Variants in DLST observed in about 807,000 individuals in gnomAD.
DLST encodes the protein dihydrolipoyllysine-residue succinyltransferase component of 2-oxoglutarate dehydrogenase complex, mitochondrial.
In DLST, 17 loss-of-function variants were observed where a neutral mutation model predicts 53.1. The observed-to-expected ratio is 0.32, with a 90% CI of 0.22 to 0.48. The LOEUF is 0.48. Among genes scored for constraint, DLST ranks in the 20% least tolerant of loss-of-function variants. DLST has a pLI of 0.99. For synonymous variants in DLST, 206 were observed against 204.8 expected, an observed-to-expected ratio of 1.01 and a Z score of -0.05; for missense variants, 512 against 583.9, an observed-to-expected ratio of 0.88 and a Z score of 1.27.
At chr14:74,889,638 G>A (rs1883831629) in intron 5 of DLST, 1 of 548,684 alleles carries the variant, frequency 1.8e-6, no homozygotes. Flanking sequence ...GCCACAAAGT[G>A]TTGGGATTAC....
intron 8 of DLST, 47 bp downstream of exon 8, chr14:74,893,033 A>C: frequency 6.3e-7 from 1 of 1,575,748 alleles, no homozygotes; most frequent in Admixed American, 1.8e-5. Context: ...ATCTCGTCTA[A>C]TATGTTCCTT....
chr14:74,891,251 T>C (rs1226801484), intron 7 of DLST, 84 bp downstream of exon 7: 26 of 1,582,178 alleles, frequency 1.6e-5, no homozygotes, highest in South Asian at 2.3e-5. Flanking sequence ...TTCCCCGATA[T>C]GTCAAAGACT....
rs556254964 is a variant in DLST, at chr14:74,899,861, T to C, written c.902-62T>C. On this transcript the variant is annotated intron_variant, in intron 11 of 14. Transcript: ENST00000334220. ...GATTTTTACTCTGTTAATGCACATATTACCTCATTAGTCTTGGCCTTCCTG... is the reference window on the plus strand; with the variant it reads ...GATTTTTACTCTGTTAATGCACATACTACCTCATTAGTCTTGGCCTTCCTG... 4 of 1,325,576 alleles carry C rather than the reference T, an allele frequency of 3.0e-6. No individual in the cohort carries two copies. In the East Asian group the frequency reaches 6.9e-5, roughly 23 times the overall value. 82.1% of individuals were successfully genotyped at this position (1,325,576 alleles called of 1,614,324 possible).
intron 7 of DLST, 108 bp downstream of exon 7, chr14:74,891,275 C>T: frequency 6.5e-7 from 1 of 1,544,318 alleles, no homozygotes; most frequent in Non-Finnish European, 8.8e-7. Flanking sequence ...GTCATTCCAG[C>T]TGCCCTTAGT....
chr14:74,883,736 G>A (rs1045008815), intron 2 of DLST, among the ~76,000 whole-genome samples: 1 of 152,156 alleles, frequency 6.6e-6, no homozygotes, highest in Non-Finnish European at 1.5e-5. Flanking sequence ...GAGCTTAAAA[G>A]CCTTGGCCAT....
intron 7 of DLST, chr14:74,891,962 C>A: frequency 3.5e-6 from 2 of 570,680 alleles, no homozygotes; most frequent in Non-Finnish European, 4.4e-6. Context: ...GATATAATGT[C>A]CAGATGGGTG....
At chr14:74,897,627 A>G (rs1349192240) in intron 10 of DLST, among the ~76,000 whole-genome samples, 1 of 152,246 alleles carries the variant, frequency 6.6e-6, no homozygotes, top group Non-Finnish European at 1.5e-5. Context: ...CAGCCATTAA[A>G]CTAATCTTAG....
intron 9 of DLST, 68 bp downstream of exon 9, chr14:74,893,492 G>A: frequency 5.2e-6 from 8 of 1,549,142 alleles, no homozygotes; most frequent in Non-Finnish European, 7.1e-6. Context: ...GAGTATGGGT[G>A]TGGTGATGCC....
At chr14:74,900,037 C>T (rs775774289) in intron 12 of DLST, 41 bp downstream of exon 12, 5 of 1,477,934 alleles carry the variant, frequency 3.4e-6, no homozygotes, top group Non-Finnish European at 4.7e-6. Flanking sequence ...GTCTTAGACC[C>T]TCACCTTATC....
At chr14:74,885,665 GCC>G in intron 3 of DLST, 31 bp downstream of exon 3, 1 of 1,573,562 alleles carries the variant, frequency 6.4e-7, no homozygotes, top group Non-Finnish European at 8.6e-7. Context: ...CAGATATGTG[GCC>G]ACGGGTTATT....
chr14:74,893,128 AG>A, intron 8 of DLST, 142 bp downstream of exon 8: 1 of 1,180,454 alleles, frequency 8.5e-7, no homozygotes, highest in East Asian at 2.6e-5. Flanking sequence ...TTGTATCCAA[AG>A]GCCTGCTTTG....
At chr14:74,897,916 A>G (rs1356921003) in intron 10 of DLST, among the ~76,000 whole-genome samples, 1 of 149,996 alleles carries the variant, frequency 6.7e-6, no homozygotes, top group Non-Finnish European at 1.5e-5. Flanking sequence ...ATCACACGGG[A>G]GTTATACTCA....
chr14:74,894,884 T>G (rs537007627), intron 10 of DLST, among the ~76,000 whole-genome samples: 7 of 152,168 alleles, frequency 4.6e-5, no homozygotes, highest in South Asian at 2.1e-4. Context: ...GCCGCTGGCT[T>G]CTTCTCTAAT....
At chr14:74,893,902 T>C (rs1883991725) in intron 9 of DLST, among the ~76,000 whole-genome samples, 1 of 152,218 alleles carries the variant, frequency 6.6e-6, no homozygotes. Context: ...CCTAAAAATA[T>C]GATAGCCTCG....
chr14:74,900,442 C>T (rs1269286562), intron 13 of DLST, 70 bp downstream of exon 13: 1 of 1,424,302 alleles, frequency 7.0e-7, no homozygotes, highest in Non-Finnish European at 9.9e-7. Flanking sequence ...GCTGGGCTCA[C>T]TAGCAAGCAG....
rs1884191565 is a variant in DLST, at chr14:74,900,004, G to A, written c.975+8G>A. 6.2e-7 allele frequency: 1 copy of A among 1,609,962 alleles called. No individual in the cohort carries two copies. Among genetic ancestry groups the A allele is most frequent in the Admixed American group, 1.7e-5 (1 of 59,780 alleles). ...GCAGTGGCCACCCCACGGGTATGTT[G>A]GGGCAGGAGGTGGGGAATGTTGGTC... On this transcript the variant is annotated splice_region_variant and intron_variant, in intron 12 of 14. Transcript: ENST00000334220.
rs1883675365 is a variant in DLST, at chr14:74,885,606, C to T, written c.118C>T (p.Pro40Ser). The T allele has an allele frequency of 2.5e-6, 4 of 1,613,732 alleles. No homozygotes were observed. Among genetic ancestry groups the T allele is most frequent in the South Asian group, 2.2e-5 (2 of 91,062 alleles). Residue 40 changes from proline (P) to serine (S), a missense_variant, in exon 3 of 15, where the codon CCA (proline) becomes TCA (serine). Around this residue, in one of 4 missense-constraint regions of DLST, gnomAD observed 129 missense variants for 90.9 expected, o/e 1.42. Coordinates refer to ENST00000334220, the MANE Select transcript of DLST (RefSeq NM_001933.5). ...TGCAGGGGTCTCCTTATGCCAGGGA[C>T]CAGGTTACCCTAACAGCAGGAAGGT... ...SLPGVSLCQG[P>S]GYPNSRKVVI... is the part of the protein sequence containing the mutation.
intron 1 of DLST, among the ~76,000 whole-genome samples, chr14:74,882,388 A>G (rs1361175417): frequency 1.3e-5 from 2 of 152,156 alleles, no homozygotes; most frequent in African/African-American, 2.4e-5. Flanking sequence ...GTGGGTATTA[A>G]TGAGTCCCGT....
chr14:74,882,291 A>G (rs1883548546), intron 1 of DLST, among the ~76,000 whole-genome samples: 1 of 152,082 alleles, frequency 6.6e-6, no homozygotes, highest in African/African-American at 2.4e-5. Context: ...GCGCCCGTCC[A>G]GATACTTGAC....
Sources: allele counts gnomAD v4.1 joint callset (sites outside exome capture counted in the v4.1 genomes callset), GRCh38; gene constraint gnomAD v4.1.1; regional missense constraint gnomAD v4.1.1; transcripts MANE v1.5; gene names NCBI Gene and HGNC (gene_info 2026-07-23, HGNC 2026-07-21).